The following EHMT1 variants were observed in gnomAD, a reference collection of about 807,000 sequenced individuals.
EHMT1 encodes the protein histone-lysine N-methyltransferase EHMT1.
Under a neutral mutation model 147.2 loss-of-function variants are expected in EHMT1, and 15 were observed. The observed-to-expected ratio is 0.10, with a 90% CI of 0.07 to 0.16. The LOEUF is 0.16. Ranked by LOEUF, EHMT1 falls within the 10% of genes least tolerant of loss-of-function variation. The pLI, the probability that EHMT1 is intolerant of heterozygous loss-of-function variation, is 1.00. For missense variants in EHMT1, 1,587 were observed against 1,772.4 expected (o/e 0.90, Z 1.88); for synonymous variants, 795 against 709.6 (o/e 1.12, Z -1.91).
intron 1 of EHMT1, among the ~76,000 whole-genome samples, chr9:137,701,795 A>T (rs34820668): frequency 0.01 from 1,035 of 101,054 alleles, 24 homozygotes; most frequent in African/African-American, 0.029. Context: ...GCCTGGTTAA[A>T]TTTTTTTTTT....
intron 25 of EHMT1, among the ~76,000 whole-genome samples, chr9:137,825,924 T>G (rs945390362): frequency 6.6e-6 from 1 of 152,180 alleles, no homozygotes; most frequent in African/African-American, 2.4e-5. Flanking sequence ...GATGCTTTTA[T>G]CAGAATAACA....
chr9:137,748,390 C>T (rs1452236575), intron 6 of EHMT1, among the ~76,000 whole-genome samples: 2 of 152,202 alleles, frequency 1.3e-5, no homozygotes, highest in Non-Finnish European at 2.9e-5. Flanking sequence ...TGGCTGCTCT[C>T]GTGTCTGTGT....
chr9:137,824,145 C>G (rs1005728899), intron 25 of EHMT1, among the ~76,000 whole-genome samples: 2 of 152,168 alleles, frequency 1.3e-5, no homozygotes, highest in Non-Finnish European at 2.9e-5. Flanking sequence ...CACTGGCACG[C>G]TCCTGTAATC....
rs398124403 is a variant in EHMT1, at chr9:137,777,991, G to A, written c.2128G>A (p.Gly710Ser). ...GPAGLGRPTP[G>S]LSQGPGKETL... The stretch of plus-strand genomic sequence containing the variant: ...TGCTGGGCTTGGGAGGCCAACTCCC[G>A]GCCTTTCCCAGGGACCAGGGAAGGA... The change falls in exon 13 of 27, where the codon GGC becomes AGC. Residue 710 changes from glycine to serine, a missense_variant. By Grantham distance (56) the Gly-to-Ser change is moderately conservative. Transcript: ENST00000460843. 28 of 1,613,674 alleles carry A rather than the reference G, an allele frequency of 1.7e-5. No individual in the cohort carries two copies. The highest frequency in any genetic ancestry group is 5.3e-5 in the African/African-American group (4 of 74,886).
At chr9:137,778,628 A>G (rs1324575647) in intron 13 of EHMT1, among the ~76,000 whole-genome samples, 1 of 152,174 alleles carries the variant, frequency 6.6e-6, no homozygotes, top group Non-Finnish European at 1.5e-5. Flanking sequence ...GCTGACGCCA[A>G]CAGGCCCTGC....
chr9:137,720,801 T>G (rs1310986525), intron 3 of EHMT1, among the ~76,000 whole-genome samples: 1 of 152,112 alleles, frequency 6.6e-6, no homozygotes, highest in African/African-American at 2.4e-5. Context: ...TGGGCATTTT[T>G]ACTTTAGAGC....
intron 16 of EHMT1, chr9:137,792,238 TAAA>T (rs1336810374): frequency 1.1e-5 from 4 of 370,404 alleles, no homozygotes; most frequent in East Asian, 7.3e-5. Flanking sequence ...TGGAATAAAA[TAAA>T]AAGCCCAGAA....
At position 137,815,240 on chromosome 9, in the gene EHMT1, G is replaced by C. The variant is rs187560459; in HGVS notation, c.3259-707G>C. ...CCATCTGAATTAGAGGCTCCAATGG[G>C]AAAAGGATTCGTGCCAGTGAGGGCT... On this transcript the variant is annotated intron_variant, in intron 22 of 26. Transcript: ENST00000460843. 73 of 164,962 alleles carry C rather than the reference G, an allele frequency of 4.4e-4. 1 individual carries two copies. Among genetic ancestry groups the C allele is most frequent in the Middle Eastern group, 3.2e-3 (1 of 310 alleles). 10.2% of individuals were successfully genotyped at this position (164,962 alleles called of 1,614,324 possible). A position where few individuals can be genotyped will look rare whatever the true frequency, so the allele number is the denominator to read the frequency against.
At chr9:137,710,737 G>T (rs1019662969) in intron 1 of EHMT1, among the ~76,000 whole-genome samples, 3 of 152,128 alleles carry the variant, frequency 2.0e-5, no homozygotes, top group African/African-American at 7.2e-5. Context: ...TTATTGTTAA[G>T]AAACTGTCTT....
rs1462766409 is a variant in EHMT1, at chr9:137,784,519, C to T, written c.2382+2122C>T. 3.2e-5 allele frequency: 24 copies of T among 745,242 alleles called. No homozygotes were observed. The East Asian group carries it at 3.6e-4, about 11-fold the overall frequency. The allele number at this position is 745,242 out of a possible 1,614,324, so 46.2% of individuals were successfully genotyped here. A position where few individuals can be genotyped will look rare whatever the true frequency, so the allele number is the denominator to read the frequency against. On this transcript the variant is annotated intron_variant, in intron 15 of 26. Transcript: ENST00000460843. ...ACTTTCCACTTTTTGGTCGTTCTTG[C>T]GTCTTTTGAATTGGTTTTATTTTGA...
intron 1 of EHMT1, among the ~76,000 whole-genome samples, chr9:137,633,572 T>C (rs534375209): frequency 5.0e-4 from 76 of 152,206 alleles, no homozygotes; most frequent in Non-Finnish European, 9.7e-4. Flanking sequence ...GTAATTCATT[T>C]ACTATAAAAT....
chr9:137,726,731 A>T (rs181503407), intron 3 of EHMT1, among the ~76,000 whole-genome samples: 65 of 152,352 alleles, frequency 4.3e-4, no homozygotes, highest in Non-Finnish European at 4.7e-4. Context: ...CCAGCAGTGC[A>T]CAAGGGTTCC....
In EHMT1 at chr9:137,834,943, AC is replaced by A. The variant is rs1269630811; in HGVS notation, c.3892del (p.Leu1298TyrfsTer48). 2.0e-6 allele frequency: 3 copies of A among 1,493,948 alleles called. No homozygotes were observed. Among genetic ancestry groups the A allele is most frequent in the Non-Finnish European group, 1.8e-6 (2 of 1,128,336 alleles). 92.5% of individuals were successfully genotyped at this position (1,493,948 alleles called of 1,614,324 possible). On this transcript the variant is annotated frameshift_variant, in exon 27 of 27. Transcript: ENST00000460843. LOFTEE classifies it high-confidence loss of function. The part of the protein sequence containing the change: ...LPDTSSAAAA[D>X]PL ...GACACCAGCTCCGCGGCTGCCGCCG[AC>A]CCCCTATGAGACGCCGCCGGCCAGC...
intron 13 of EHMT1, among the ~76,000 whole-genome samples, chr9:137,778,932 A>G (rs1218180060): frequency 6.6e-6 from 1 of 152,182 alleles, no homozygotes; most frequent in Admixed American, 6.5e-5. Context: ...AGAGACAGAG[A>G]AGGGGGAGGC....
chr9:137,814,062 C>G (rs1401152299), intron 21 of EHMT1, among the ~76,000 whole-genome samples: 1 of 99,596 alleles, frequency 1.0e-5, no homozygotes, highest in Non-Finnish European at 2.0e-5. Context: ...CCAGGCCCCC[C>G]CCCCCCCCCG....
intron 6 of EHMT1, among the ~76,000 whole-genome samples, chr9:137,751,917 C>T (rs1588519863): frequency 6.6e-6 from 1 of 152,148 alleles, no homozygotes; most frequent in African/African-American, 2.4e-5. Context: ...GTTTTGTGGC[C>T]TCTGAAAATC....
chr9:137,824,265 T>G (rs1955659070), intron 25 of EHMT1, among the ~76,000 whole-genome samples: 1 of 152,154 alleles, frequency 6.6e-6, no homozygotes, highest in African/African-American at 2.4e-5. Context: ...AAGTAAGGAT[T>G]GAGGTTCACT....
At chr9:137,707,280 C>T (rs1944349639) in intron 1 of EHMT1, among the ~76,000 whole-genome samples, 1 of 152,178 alleles carries the variant, frequency 6.6e-6, no homozygotes, top group African/African-American at 2.4e-5. Context: ...AGGAGCAGCC[C>T]CTGGGCTACA....
Position 137,813,332 on chromosome 9 carries a change from C to A in EHMT1, c.3036-54C>A. 2 of 1,584,702 alleles carry A rather than the reference C, an allele frequency of 1.3e-6. No homozygotes were observed. The highest frequency in any genetic ancestry group is 1.7e-6 in the Non-Finnish European group (2 of 1,169,670). On this transcript the variant is annotated intron_variant, in intron 20 of 26. Coordinates refer to ENST00000460843, the MANE Select transcript of EHMT1 (RefSeq NM_024757.5). The surrounding 1 kb of genome is among the most constrained non-coding windows in gnomAD (Gnocchi z 4.9). ...AGCCGCCCCACTGCACGCTGTGCCACCCCCTGGGCAGAGCACGTCAGCCAC... is the reference window on the plus strand; with the variant it reads ...AGCCGCCCCACTGCACGCTGTGCCAACCCCTGGGCAGAGCACGTCAGCCAC...
Sources: allele counts gnomAD v4.1 joint callset (sites outside exome capture counted in the v4.1 genomes callset), GRCh38; gene constraint gnomAD v4.1.1; non-coding constraint Gnocchi (gnomAD v3.1); transcripts MANE v1.5; gene names NCBI Gene and HGNC (gene_info 2026-07-23, HGNC 2026-07-21).